The following XRCC2 variants were observed in gnomAD, a reference collection of about 807,000 sequenced individuals.
XRCC2 encodes X-ray repair cross complementing 2, also known as DNA repair protein XRCC2.
Under a neutral mutation model 27.3 loss-of-function variants are expected in XRCC2, and 24 were observed. The observed-to-expected ratio is 0.88, with a 90% CI of 0.64 to 1.24. The LOEUF (loss-of-function observed/expected upper bound fraction) is 1.24. Ranked by LOEUF, XRCC2 falls within the 50% of genes most tolerant of loss-of-function variation. XRCC2 has a pLI of 0.00. For missense variants in XRCC2, 321 were observed against 325.8 expected, an observed-to-expected ratio of 0.99 and a Z score of 0.11; for synonymous variants, 106 against 115.4, an observed-to-expected ratio of 0.92 and a Z score of 0.52.
intron 2 of XRCC2, among the ~76,000 whole-genome samples, chr7:152,652,644 G>T (rs925141216): frequency 2.0e-5 from 3 of 152,140 alleles, no homozygotes; most frequent in African/African-American, 7.2e-5. Context: ...TTTCCTGCTA[G>T]CTTCTCTAAG....
intron 1 of XRCC2, among the ~76,000 whole-genome samples, chr7:152,665,324 A>G (rs1324174868): frequency 6.6e-6 from 1 of 152,038 alleles, no homozygotes; most frequent in Non-Finnish European, 1.5e-5. Flanking sequence ...GCCAATTTCC[A>G]TAATAAATTT....
chr7:152,651,018 C>CTTG (rs2098028306), intron 2 of XRCC2, among the ~76,000 whole-genome samples: 3 of 152,096 alleles, frequency 2.0e-5, no homozygotes, highest in Non-Finnish European at 4.4e-5. Context: ...TGGCTTACTG[C>CTTG]AACTTTCGCC....
chr7:152,668,609 G>C (rs1225735732), intron 1 of XRCC2, among the ~76,000 whole-genome samples: 1 of 152,116 alleles, frequency 6.6e-6, no homozygotes, highest in African/African-American at 2.4e-5. Context: ...TAATACATCA[G>C]GCATCAGAGC....
intron 1 of XRCC2, among the ~76,000 whole-genome samples, chr7:152,674,353 C>T (rs1313875641): frequency 3.3e-5 from 5 of 152,102 alleles, no homozygotes; most frequent in Admixed American, 2.6e-4. Context: ...CAGTGGCTCA[C>T]ACCTGTAATC....
In XRCC2 at chr7:152,676,028, C is replaced by T. The variant is rs750274146; in HGVS notation, c.39+13G>A. 1.9e-6 allele frequency: 3 copies of T among 1,613,628 alleles called. No individual in the cohort carries two copies. The highest frequency in any genetic ancestry group is 1.7e-5 in the Admixed American group (1 of 60,010). On this transcript the variant is annotated intron_variant, in intron 1 of 2. Transcript: ENST00000359321. ...GTTCCCATCTCCCTCACTCCCAACC[C>T]GGCGGCTCTCACCTCGGTCCCAGAC...
chr7:152,652,743 A>G (rs3218518), intron 2 of XRCC2, among the ~76,000 whole-genome samples: 57,700 of 152,052 alleles, frequency 0.38, 12,599 homozygotes, highest in Non-Finnish European at 0.47. Context: ...GATCCTCTTG[A>G]GAGACATCTA....
intron 2 of XRCC2, 61 bp from the exon 3 acceptor site, chr7:152,649,424 C>T: frequency 2.0e-6 from 3 of 1,498,182 alleles, no homozygotes; most frequent in Non-Finnish European, 2.7e-6. Context: ...TTACAAAATG[C>T]AAAGTCTGCA....
At chr7:152,659,852 C>T (rs1160277576) in intron 2 of XRCC2, among the ~76,000 whole-genome samples, 1 of 152,204 alleles carries the variant, frequency 6.6e-6, no homozygotes, top group African/African-American at 2.4e-5. Flanking sequence ...CAGATAACCA[C>T]AGCAGCATTA....
At chr7:152,659,183 G>A (rs2098032023) in intron 2 of XRCC2, among the ~76,000 whole-genome samples, 1 of 151,632 alleles carries the variant, frequency 6.6e-6, no homozygotes, top group African/African-American at 2.4e-5. Flanking sequence ...GATGTGAGGT[G>A]ACAAAGAAGA....
chr7:152,648,782 C>A lies in XRCC2; in HGVS notation c.703G>T (p.Val235Leu). The change falls in exon 3 of 3, where the codon GTG (valine) becomes TTG (leucine). Residue 235 changes from valine (V) to leucine (L), a missense_variant. Physicochemically the swap from Val to Leu is conservative, Grantham distance 32 (BLOSUM62 1). Transcript: ENST00000359321. Reference sequence around the variant, plus strand: ...TTGGAGAAAAACATCCTGTGCTTCACCAGTTGCTGCCATGCCTTACAGAGA... The same window carrying A: ...TTGGAGAAAAACATCCTGTGCTTCAACAGTTGCTGCCATGCCTTACAGAGA... ...PYLCKAWQQL[V>L]KHRMFFSKQD... 2 of 1,614,152 alleles carry A rather than the reference C, an allele frequency of 1.2e-6. No homozygotes were observed. The highest frequency in any genetic ancestry group is 1.7e-6 in the Non-Finnish European group (2 of 1,180,032).
rs1284295593 is a variant in XRCC2, at chr7:152,645,672, CT to C, written c.*2969del. ...AATACAAGTAGTAATAGCAGGCACT[CT>C]TGTTCTTGATTTTAAAAGAGACACT... On this transcript the variant is annotated 3_prime_UTR_variant, in exon 3 of 3. Coordinates refer to ENST00000359321, the MANE Select transcript of XRCC2 (RefSeq NM_005431.2). 6.6e-6 allele frequency: 1 copy of C among 152,142 alleles called. No homozygotes were observed. Among genetic ancestry groups the C allele is most frequent in the Non-Finnish European group, 1.5e-5 (1 of 68,030 alleles). The allele number at this position is 152,142 out of a possible 1,614,324, so 9.4% of individuals were successfully genotyped here.
At chr7:152,651,095 G>A (rs1043851459) in intron 2 of XRCC2, among the ~76,000 whole-genome samples, 1 of 144,642 alleles carries the variant, frequency 6.9e-6, no homozygotes, top group African/African-American at 2.5e-5. Context: ...GTGCGCTACC[G>A]CGCCCAGCTA....
intron 2 of XRCC2, among the ~76,000 whole-genome samples, chr7:152,658,499 T>C (rs1307179331): frequency 2.0e-5 from 3 of 152,218 alleles, no homozygotes; most frequent in Non-Finnish European, 2.9e-5. Flanking sequence ...GTGAAGTACA[T>C]TGACATTGCT....
rs757558123 is a variant in XRCC2 at position 152,648,738 on chromosome 7, G to A, written c.747C>T (p.Ser249=). 3 of 1,614,064 alleles carry A rather than the reference G, an allele frequency of 1.9e-6. No individual in the cohort carries two copies. The highest frequency in any genetic ancestry group is 2.5e-6 in the Non-Finnish European group (3 of 1,180,020). ...GTGAAACTAATGAAAATTGGTTGCT[G>A]CTTTGAGAATCATCTTGTTTGGAGA... ...MFFSKQDDSQ[S]SNQFSLVSRC... The change falls in exon 3 of 3, where the codon AGC becomes AGT. Residue 249 remains serine (S), a synonymous_variant. Transcript: ENST00000359321.
intron 2 of XRCC2, among the ~76,000 whole-genome samples, chr7:152,654,231 G>A (rs3218504): frequency 0.083 from 12,292 of 148,362 alleles, 862 homozygotes; most frequent in African/African-American, 0.19. Context: ...CAAGATGGTA[G>A]GTAATAAGGG....
At chr7:152,673,711 A>G (rs2098039079) in intron 1 of XRCC2, among the ~76,000 whole-genome samples, 1 of 152,000 alleles carries the variant, frequency 6.6e-6, no homozygotes, top group Non-Finnish European at 1.5e-5. Context: ...GCTAAAAAAT[A>G]AAAATAAAAA....
At chr7:152,660,285 A>G (rs1425864849) in intron 2 of XRCC2, among the ~76,000 whole-genome samples, 2 of 152,176 alleles carry the variant, frequency 1.3e-5, no homozygotes, top group African/African-American at 2.4e-5. Context: ...TTTTATCTCT[A>G]TGAAGCCGCC....
At chr7:152,660,851 C>A in intron 1 of XRCC2, 69 bp from the exon 2 acceptor site, 1 of 1,335,648 alleles carries the variant, frequency 7.5e-7, no homozygotes, top group Non-Finnish European at 1.0e-6. Flanking sequence ...TATATTTATA[C>A]CATTTTCCGA....
chr7:152,658,425 T>G (rs1019127642), intron 2 of XRCC2, among the ~76,000 whole-genome samples: 3 of 152,232 alleles, frequency 2.0e-5, no homozygotes, highest in Non-Finnish European at 2.9e-5. Context: ...GTGCTGGGAT[T>G]ACAGGTGTGA....
Sources: allele counts gnomAD v4.1 joint callset (sites outside exome capture counted in the v4.1 genomes callset), GRCh38; gene constraint gnomAD v4.1.1; transcripts MANE v1.5; gene names NCBI Gene and HGNC (gene_info 2026-07-23, HGNC 2026-07-21).